Variants in PCMT1 observed in about 807,000 individuals in gnomAD.
PCMT1 encodes protein-L-isoaspartate (D-aspartate) O-methyltransferase, also known as protein-L-isoaspartate(D-aspartate) O-methyltransferase.
In PCMT1, 9 loss-of-function variants were observed where a neutral mutation model predicts 29.2. That is an observed-to-expected ratio of 0.31 (90% CI 0.19 to 0.54). The LOEUF (loss-of-function observed/expected upper bound fraction) is 0.54, where lower values mean the gene tolerates loss of function less well. PCMT1 is among the 20% of genes least tolerant of loss of function. The probability of loss-of-function intolerance (pLI) is 0.95; values close to 1 mark genes in which losing one functional copy is unlikely to be tolerated. For synonymous variants in PCMT1, 98 were observed against 97.5 expected (o/e 1.00, Z -0.03); for missense variants, 184 against 282.2 (o/e 0.65, Z 2.49).
intron 7 of PCMT1, among the ~76,000 whole-genome samples, chr6:149,807,644 T>C (rs374245443): frequency 6.6e-6 from 1 of 152,228 alleles, no homozygotes; most frequent in East Asian, 1.9e-4. Flanking sequence ...CTGCTGGAAT[T>C]ACAGGTGTGA....
chr6:149,798,168 CA>C (rs1479536930), intron 6 of PCMT1: 1,109 of 67,630 alleles, frequency 0.016, 11 homozygotes, highest in African/African-American at 0.047. Context: ...GACCCTGTCT[CA>C]AAAAAAAAAA....
chr6:149,785,820 C>CA (rs1403178712), intron 3 of PCMT1, among the ~76,000 whole-genome samples: 2 of 152,234 alleles, frequency 1.3e-5, no homozygotes, highest in African/African-American at 4.8e-5. Flanking sequence ...TCTACACAGA[C>CA]ACGGCAACCA....
intron 1 of PCMT1, among the ~76,000 whole-genome samples, chr6:149,753,209 G>A (rs1786393208): frequency 6.6e-6 from 1 of 152,038 alleles, no homozygotes; most frequent in African/African-American, 2.4e-5. Context: ...TTATTCTACT[G>A]TGTATATTCT....
At chr6:149,807,080 CAT>C (rs1350616320) in intron 7 of PCMT1, among the ~76,000 whole-genome samples, 3 of 152,134 alleles carry the variant, frequency 2.0e-5, no homozygotes, top group Non-Finnish European at 4.4e-5. Context: ...AATTAGTGGA[CAT>C]GTGGAATTCT....
intron 1 of PCMT1, among the ~76,000 whole-genome samples, chr6:149,768,072 G>A (rs894341157): frequency 6.6e-6 from 1 of 151,578 alleles, no homozygotes; most frequent in African/African-American, 2.4e-5. Flanking sequence ...GGGATTACAG[G>A]CATGAGCCAC....
chr6:149,783,694 CTT>C (rs1179390420), intron 3 of PCMT1, among the ~76,000 whole-genome samples: 4 of 151,200 alleles, frequency 2.6e-5, no homozygotes, highest in African/African-American at 9.7e-5. Flanking sequence ...GGACAGGACT[CTT>C]TTTTTTTCTC....
chr6:149,760,865 C>CA (rs1295023726), intron 1 of PCMT1, among the ~76,000 whole-genome samples: 1 of 151,904 alleles, frequency 6.6e-6, no homozygotes, highest in Non-Finnish European at 1.5e-5. Flanking sequence ...ACAAACAAAA[C>CA]AAAAAGAGCA....
chr6:149,762,670 G>T (rs1436936070), intron 1 of PCMT1, among the ~76,000 whole-genome samples: 1 of 15,410 alleles, frequency 6.5e-5, no homozygotes, highest in Non-Finnish European at 8.4e-5. Context: ...ATATATCTAT[G>T]ATATATATAT....
At chr6:149,785,989 C>T (rs112236238) in intron 3 of PCMT1, among the ~76,000 whole-genome samples, 3 of 149,368 alleles carry the variant, frequency 2.0e-5, no homozygotes, top group African/African-American at 7.4e-5. Flanking sequence ...GGCGGCCGGG[C>T]AGAGGCGCCC....
At chr6:149,758,185 A>ATTTTT (rs58659986) in intron 1 of PCMT1, among the ~76,000 whole-genome samples, 1 of 100,878 alleles carries the variant, frequency 9.9e-6, no homozygotes, top group African/African-American at 4.1e-5. Context: ...CGCCCAACCA[A>ATTTTT]TTTTTTTTTT....
intron 5 of PCMT1, 80 bp downstream of exon 5, chr6:149,793,749 G>A: frequency 8.4e-7 from 1 of 1,197,456 alleles, no homozygotes; most frequent in East Asian, 3.0e-5. Flanking sequence ...ATAATACTCA[G>A]AGGTAATTAT....
At position 149,793,280 on chromosome 6, in the gene PCMT1, G is replaced by C. The variant is rs147277811; in HGVS notation, c.298-269G>C. 5.5e-4 allele frequency among the ~76,000 whole-genome samples: 83 copies of C among 151,990 alleles called. 2 individuals carry two copies. In the East Asian group the frequency reaches 0.014, roughly 26 times the overall value. ...ATTATTGTACTACTATTAAATATTGGTAATTTTCTTCAAAGTTCTAGATTT... is the reference window on the plus strand; with the variant it reads ...ATTATTGTACTACTATTAAATATTGCTAATTTTCTTCAAAGTTCTAGATTT... On this transcript the variant is annotated intron_variant, in intron 4 of 7. Coordinates refer to ENST00000464889, the MANE Select transcript of PCMT1 (RefSeq NM_001360452.2).
At chr6:149,752,393 T>G (rs1195312878) in intron 1 of PCMT1, among the ~76,000 whole-genome samples, 1 of 151,598 alleles carries the variant, frequency 6.6e-6, no homozygotes, top group African/African-American at 2.4e-5. Context: ...GAAACGGGGT[T>G]TCACTATGTT....
chr6:149,796,792 TTTTG>T (rs1199065563), intron 6 of PCMT1: 8 of 260,158 alleles, frequency 3.1e-5, no homozygotes, highest in Admixed American at 5.4e-5. Context: ...ATCAGGTTTT[TTTTG>T]TTTGTTTGTT....
chr6:149,784,364 A>G (rs1047919871), intron 3 of PCMT1, among the ~76,000 whole-genome samples: 3 of 152,206 alleles, frequency 2.0e-5, no homozygotes, highest in Non-Finnish European at 2.9e-5. Flanking sequence ...ATGGAAAATT[A>G]TGGAAGAGTT....
intron 6 of PCMT1, chr6:149,796,746 A>T: frequency 2.8e-6 from 1 of 353,550 alleles, no homozygotes; most frequent in East Asian, 4.6e-5. Flanking sequence ...ACAACAGTAG[A>T]ATTGGGAAAA....
intron 1 of PCMT1, among the ~76,000 whole-genome samples, chr6:149,770,622 C>T (rs1413001218): frequency 6.7e-6 from 1 of 149,534 alleles, no homozygotes; most frequent in Non-Finnish European, 1.5e-5. Flanking sequence ...AGGAGAATCA[C>T]TTGAACCTGG....
chr6:149,809,869 A>AC (rs995651080), intron 7 of PCMT1, among the ~76,000 whole-genome samples: 1 of 151,734 alleles, frequency 6.6e-6, no homozygotes, highest in African/African-American at 2.4e-5. Flanking sequence ...ATGCTTCTTT[A>AC]CCCCTAAAGT....
At chr6:149,783,337 T>C (rs1336762683) in intron 3 of PCMT1, among the ~76,000 whole-genome samples, 3 of 142,504 alleles carry the variant, frequency 2.1e-5, no homozygotes, top group Admixed American at 1.3e-4. Flanking sequence ...TTCACCATGT[T>C]AGCCAGCCTG....
Sources: gnomAD v4.1 joint callset for allele counts (sites outside exome capture counted in the v4.1 genomes callset) on GRCh38, gnomAD v4.1.1 for gene constraint, MANE v1.5 for transcripts, NCBI Gene and HGNC (gene_info 2026-07-23, HGNC 2026-07-21) for gene names.